The following TWF1 variants were observed in gnomAD, a reference collection of about 807,000 sequenced individuals.
TWF1 encodes the protein twinfilin actin binding protein 1.
Under a neutral mutation model 47.9 loss-of-function variants are expected in TWF1, and 14 were observed. That is an observed-to-expected ratio of 0.29 (90% CI 0.19 to 0.46). TWF1 has a LOEUF of 0.46. Among genes scored for constraint, TWF1 ranks in the 20% least tolerant of loss-of-function variants. The pLI is 1.00. For synonymous variants in TWF1, 96 were observed against 139.2 expected (o/e 0.69, Z 2.18); for missense variants, 281 against 409.3 (o/e 0.69, Z 2.70).
intron 3 of TWF1, 44 bp from the exon 4 acceptor site, chr12:43,800,574 A>G (rs1288765365): frequency 7.5e-6 from 11 of 1,463,456 alleles, no homozygotes; most frequent in East Asian, 2.3e-5. Context: ...ATGAAAACAT[A>G]ACATTACAAA....
At chr12:43,796,951 G>C (rs1295231251) in intron 8 of TWF1, 25 bp downstream of exon 8, 1 of 1,603,100 alleles carries the variant, frequency 6.2e-7, no homozygotes, top group East Asian at 2.2e-5. Context: ...AGCAAAAACT[G>C]AAGATTTTAA....
At chr12:43,801,684 G>A (rs1191460992) in intron 3 of TWF1, among the ~76,000 whole-genome samples, 1 of 151,992 alleles carries the variant, frequency 6.6e-6, no homozygotes. Flanking sequence ...ATTACTCTCA[G>A]GGCCAGGCAG....
intron 1 of TWF1, chr12:43,805,881 C>T: frequency 2.8e-6 from 4 of 1,450,236 alleles, no homozygotes; most frequent in Non-Finnish European, 3.7e-6. Context: ...TGTCCCAGCT[C>T]TTCCCTACGT....
chr12:43,805,431 A>G, intron 1 of TWF1: 1 of 401,330 alleles, frequency 2.5e-6, no homozygotes, highest in South Asian at 1.8e-5. Context: ...AAGACTCGCT[A>G]TTAACAGTAA....
intron 2 of TWF1, 56 bp from the exon 3 acceptor site, chr12:43,802,520 G>T: frequency 2.4e-6 from 3 of 1,254,430 alleles, no homozygotes; most frequent in Non-Finnish European, 3.4e-6. Context: ...TCAAGTGGTA[G>T]TGTGATGAAG....
chr12:43,798,636 A>G (rs1942602289), intron 5 of TWF1: 3 of 1,428,942 alleles, frequency 2.1e-6, no homozygotes, highest in Non-Finnish European at 2.8e-6. Context: ...AAAAAAAAAA[A>G]TCACATAAAA....
chr12:43,797,911 T>C (rs567817752), intron 5 of TWF1, 78 bp from the exon 6 acceptor site: 2 of 1,441,694 alleles, frequency 1.4e-6, no homozygotes, highest in South Asian at 1.3e-5. Flanking sequence ...CCAACCTCTA[T>C]AAAATAGTAT....
At chr12:43,801,038 C>T (rs1942652270) in intron 3 of TWF1, among the ~76,000 whole-genome samples, 1 of 152,106 alleles carries the variant, frequency 6.6e-6, no homozygotes, top group Admixed American at 6.5e-5. Flanking sequence ...AGGCATGAGC[C>T]ACCGTGCCTG....
At position 43,802,361 on chromosome 12, in the gene TWF1, T is replaced by C; in HGVS notation, c.207A>G (p.Ile69Met). ...PLLEDKQPCY[I>M]LFRLDSQNAQ... ...CATTCTGAGAATCTAACCTGAATAATATATAGCATGGTTGTTTGTCCTCCA... is the reference window on the plus strand; with the variant it reads ...CATTCTGAGAATCTAACCTGAATAACATATAGCATGGTTGTTTGTCCTCCA... The change falls in exon 3 of 9, where the codon ATA becomes ATG. Residue 69 changes from isoleucine (I) to methionine (M), a missense_variant. Physicochemically the swap from Ile to Met is conservative, Grantham distance 10 (BLOSUM62 1). Coordinates refer to ENST00000395510, the MANE Select transcript of TWF1 (RefSeq NM_002822.5). 6.2e-7 allele frequency: 1 copy of C among 1,602,916 alleles called. No individual in the cohort carries two copies. Among genetic ancestry groups the C allele is most frequent in the South Asian group, 1.1e-5 (1 of 89,456 alleles).
intron 2 of TWF1, among the ~76,000 whole-genome samples, chr12:43,802,730 CTGAA>C (rs1460560578): frequency 1.3e-5 from 2 of 152,032 alleles, no homozygotes; most frequent in Non-Finnish European, 2.9e-5. Context: ...AACAGTTGAA[CTGAA>C]TGGTCAAATA....
At chr12:43,800,376 G>A in intron 4 of TWF1, 59 bp downstream of exon 4, 3 of 1,261,142 alleles carry the variant, frequency 2.4e-6, no homozygotes, top group Non-Finnish European at 3.4e-6. Context: ...CCATTACCTA[G>A]GAGTTCCTCT....
intron 2 of TWF1, 124 bp from the exon 3 acceptor site, chr12:43,802,588 G>A: frequency 1.4e-6 from 1 of 731,350 alleles, no homozygotes. Context: ...TCAAAAAGTT[G>A]AAAAGAAAAA....
chr12:43,805,496 A>G (rs1360108119), intron 1 of TWF1: 5 of 455,340 alleles, frequency 1.1e-5, no homozygotes, highest in Non-Finnish European at 2.2e-5. Context: ...CCGGGGATAT[A>G]TTATTTGACT....
At position 43,795,759 on chromosome 12, in the gene TWF1, T is replaced by C. The variant is rs1393739306; in HGVS notation, c.883-4A>G. On this transcript the variant is annotated splice_region_variant and splice_polypyrimidine_tract_variant and intron_variant, in intron 8 of 8. Coordinates refer to ENST00000395510, the MANE Select transcript of TWF1 (RefSeq NM_002822.5). Reference sequence around the variant, plus strand: ...CATCCCCATTGTCTATCTCGATCTGTAAAAGATAAAATTAGAAGCACAACA... The same window carrying C: ...CATCCCCATTGTCTATCTCGATCTGCAAAAGATAAAATTAGAAGCACAACA... 3 of 1,611,832 alleles carry C rather than the reference T, an allele frequency of 1.9e-6. No individual in the cohort carries two copies. In the Admixed American group the frequency reaches 5.0e-5, roughly 27 times the overall value.
chr12:43,796,940 T>C (rs1565698892), intron 8 of TWF1, 36 bp downstream of exon 8: 3 of 1,595,470 alleles, frequency 1.9e-6, no homozygotes, highest in Non-Finnish European at 8.5e-7. Context: ...AAGAAAAATT[T>C]AGCAAAAACT....
chr12:43,797,371 T>C lies in TWF1; in HGVS notation c.691A>G (p.Lys231Glu), dbSNP rs1186185354. ...ELKDLPKRIPKDSARYHFFLY... is the reference protein window; with the variant it reads ...ELKDLPKRIPEDSARYHFFLY... ...AAGAAATGGTAACGAGCTGAATCCT[T>C]GGGAATCCTCTTTGGCAAATCTTTC... Residue 231 changes from lysine (K) to glutamate (E), a missense_variant, in exon 7 of 9, where the codon AAG becomes GAG. Lys to Glu is a moderately conservative substitution (Grantham distance 56). Transcript: ENST00000395510. 1 of 1,605,924 alleles carries C rather than the reference T, an allele frequency of 6.2e-7. No individual in the cohort carries two copies. Among genetic ancestry groups the C allele is most frequent in the Admixed American group, 1.7e-5 (1 of 59,358 alleles).
chr12:43,796,418 C>T (rs530174496), intron 8 of TWF1, among the ~76,000 whole-genome samples: 1 of 152,008 alleles, frequency 6.6e-6, no homozygotes, highest in African/African-American at 2.4e-5. Context: ...ATATCTTTCC[C>T]CATGCCTTAT....
intron 4 of TWF1, 53 bp downstream of exon 4, chr12:43,800,382 C>T (rs1942637159): frequency 1.2e-5 from 16 of 1,351,720 alleles, no homozygotes; most frequent in Non-Finnish European, 1.6e-5. Flanking sequence ...CCTAGGAGTT[C>T]CTCTTTAATC....
chr12:43,802,869 A>T (rs1306237903), intron 2 of TWF1, among the ~76,000 whole-genome samples: 1 of 152,208 alleles, frequency 6.6e-6, no homozygotes, highest in Non-Finnish European at 1.5e-5. Context: ...TGAATTGTAC[A>T]GTAAGAAATA....
Sources: gnomAD v4.1 joint callset for allele counts (sites outside exome capture counted in the v4.1 genomes callset) on GRCh38, gnomAD v4.1.1 for gene constraint, MANE v1.5 for transcripts, NCBI Gene and HGNC (gene_info 2026-07-23, HGNC 2026-07-21) for gene names.